Variants in FHDC1 observed in about 807,000 individuals in gnomAD.
FHDC1 encodes FH2 domain containing 1, also known as FH2 domain-containing protein 1.
FHDC1 carries 25 observed loss-of-function variants against 52.6 expected under a neutral mutation model. The observed-to-expected ratio is 0.48, with a 90% CI of 0.35 to 0.66. The LOEUF (loss-of-function observed/expected upper bound fraction) is 0.66. FHDC1 is among the 30% of genes least tolerant of loss of function. FHDC1 has a pLI of 0.01. For missense variants in FHDC1, 1,459 were observed against 1,452.8 expected, an observed-to-expected ratio of 1.00 and a Z score of -0.07; for synonymous variants, 616 against 581.5, an observed-to-expected ratio of 1.06 and a Z score of -0.85.
upstream of FHDC1, among the ~76,000 whole-genome samples, chr4:152,931,898 C>T (rs1739258298): frequency 7.5e-6 from 1 of 133,930 alleles, no homozygotes; most frequent in Non-Finnish European, 1.5e-5. Context: ...AACTACGCCA[C>T]TGTACTCCAG....
chr4:152,948,951 T>C (rs959624761), intron 2 of FHDC1, among the ~76,000 whole-genome samples: 3 of 151,890 alleles, frequency 2.0e-5, no homozygotes, highest in African/African-American at 7.3e-5. Flanking sequence ...TAGCCAGACA[T>C]GGTGGCTCGT....
intron 1 of FHDC1, among the ~76,000 whole-genome samples, chr4:152,938,576 C>T (rs751668525): frequency 6.6e-6 from 1 of 152,138 alleles, no homozygotes; most frequent in Non-Finnish European, 1.5e-5. Context: ...CCATCCTTTT[C>T]TTCTCTCCCA....
chr4:152,969,190 T>C (rs1740560424), intron 10 of FHDC1, among the ~76,000 whole-genome samples: 1 of 152,194 alleles, frequency 6.6e-6, no homozygotes, highest in Non-Finnish European at 1.5e-5. Context: ...TGGAATCATG[T>C]AGCAGGGCTG....
At position 152,951,660 on chromosome 4, in the gene FHDC1, T is replaced by C. The variant is rs149406048; in HGVS notation, c.499-1839T>C. Among the ~76,000 whole-genome samples the C allele has an allele frequency of 5.3e-3, 807 of 152,292 alleles. 3 individuals carry two copies. The highest frequency in any genetic ancestry group is 0.014 in the South Asian group (66 of 4,826). On this transcript the variant is annotated intron_variant, in intron 2 of 11. Coordinates refer to ENST00000511601, the MANE Select transcript of FHDC1 (RefSeq NM_001371116.1). ...AGACCCAGAGATCAGGAATTTAGCC[T>C]GAAACCTGATTCTCTTTTGTTCACA...
chr4:152,959,360 C>T (rs535725979), intron 4 of FHDC1, among the ~76,000 whole-genome samples: 190 of 152,344 alleles, frequency 1.2e-3, no homozygotes, highest in African/African-American at 4.4e-3. Flanking sequence ...TTCATCTCCA[C>T]TCTCACCTAT....
chr4:152,953,298 A>G (rs1372326384), intron 2 of FHDC1, among the ~76,000 whole-genome samples: 1 of 152,234 alleles, frequency 6.6e-6, no homozygotes, highest in Non-Finnish European at 1.5e-5. Context: ...ATATAATACC[A>G]CTGTAGAAAG....
intron 4 of FHDC1, among the ~76,000 whole-genome samples, chr4:152,956,879 G>A (rs1362210790): frequency 1.3e-5 from 2 of 152,042 alleles, no homozygotes; most frequent in African/African-American, 4.8e-5. Context: ...CCTTCAGCAG[G>A]AACACCCTGA....
At chr4:152,958,535 A>G (rs976226788) in intron 4 of FHDC1, among the ~76,000 whole-genome samples, 5 of 152,168 alleles carry the variant, frequency 3.3e-5, no homozygotes, top group Non-Finnish European at 7.3e-5. Context: ...GAAGGAGATT[A>G]ATCATTGTTC....
At chr4:152,971,237 T>C (rs2149959617) in intron 10 of FHDC1, among the ~76,000 whole-genome samples, 1 of 152,160 alleles carries the variant, frequency 6.6e-6, no homozygotes, top group South Asian at 2.1e-4. Flanking sequence ...ATAGCTATAG[T>C]CCCTGCTACT....
intron 2 of FHDC1, among the ~76,000 whole-genome samples, chr4:152,948,600 A>G (rs532851756): frequency 1.3e-5 from 2 of 152,158 alleles, no homozygotes; most frequent in African/African-American, 4.8e-5. Context: ...CTACATGCAC[A>G]TACCACCACG....
At chr4:152,918,861 G>A in the FHDC1 span, among the ~76,000 whole-genome samples, 2 of 152,196 alleles carry the variant, frequency 1.3e-5, no homozygotes, top group Non-Finnish European at 2.9e-5. Context: ...TTTTTTAAAT[G>A]TAAGTTTAAA....
At chr4:152,939,541 C>T (rs1291656080) in intron 1 of FHDC1, among the ~76,000 whole-genome samples, 1 of 152,022 alleles carries the variant, frequency 6.6e-6, no homozygotes. Flanking sequence ...AGACCCTTAA[C>T]GAACGTTCTA....
chr4:152,950,844 GA>G (rs1331545143), intron 2 of FHDC1, among the ~76,000 whole-genome samples: 1 of 152,206 alleles, frequency 6.6e-6, no homozygotes, highest in Non-Finnish European at 1.5e-5. Flanking sequence ...AAAACCCACA[GA>G]AACTAGAGTG....
At chr4:152,964,804 A>C (rs1740409744) in intron 8 of FHDC1, 101 bp from the exon 9 acceptor site, 1 of 945,724 alleles carries the variant, frequency 1.1e-6, no homozygotes, top group Non-Finnish European at 1.6e-6. Context: ...TGTCAAGTTT[A>C]AAAACAGGAG....
At chr4:152,949,170 A>AAGAAGAAGC (rs1165422183) in intron 2 of FHDC1, among the ~76,000 whole-genome samples, 1,857 of 141,378 alleles carry the variant, frequency 0.013, 30 homozygotes, top group Non-Finnish European at 0.018. Flanking sequence ...GAAGAAGAAG[A>AAGAAGAAGC]AGCAGAAGAA....
At chr4:152,940,190 C>G (rs1561201067) in intron 1 of FHDC1, among the ~76,000 whole-genome samples, 2 of 152,180 alleles carry the variant, frequency 1.3e-5, no homozygotes, top group East Asian at 3.8e-4. Context: ...CAGGGGGAAA[C>G]CCTATTGGAG....
chr4:152,937,528 G>A (rs970036511), intron 1 of FHDC1, among the ~76,000 whole-genome samples: 4 of 151,954 alleles, frequency 2.6e-5, no homozygotes, highest in Non-Finnish European at 1.5e-5. Context: ...GGGAATGGGC[G>A]AGCGGGTGCG....
chr4:152,968,430 A>G (rs561273198), intron 10 of FHDC1, among the ~76,000 whole-genome samples: 20 of 152,152 alleles, frequency 1.3e-4, no homozygotes, highest in African/African-American at 4.3e-4. Context: ...AGTTCAAGCA[A>G]TTCTCCTGCC....
At chr4:152,973,939 C>T (rs1330217644) in intron 11 of FHDC1, among the ~76,000 whole-genome samples, 1 of 152,170 alleles carries the variant, frequency 6.6e-6, no homozygotes, top group African/African-American at 2.4e-5. Context: ...AGCACACCTC[C>T]TCCTCTTCCT....
Sources: allele counts gnomAD v4.1 joint callset (sites outside exome capture counted in the v4.1 genomes callset), GRCh38; gene constraint gnomAD v4.1.1; transcripts MANE v1.5; gene names NCBI Gene and HGNC (gene_info 2026-07-23, HGNC 2026-07-21).